Variants in ABCB10 observed in about 807,000 individuals in gnomAD.
The protein encoded by ABCB10 is ATP-binding cassette sub-family B member 10, mitochondrial.
Under a neutral mutation model 65.4 loss-of-function variants are expected in ABCB10, and 54 were observed. The observed-to-expected ratio is 0.83, with a 90% CI of 0.66 to 1.04. The LOEUF is 1.04. Ranked by LOEUF, ABCB10 falls within the 50% of genes least tolerant of loss-of-function variation. ABCB10 has a pLI of 0.00. For missense variants in ABCB10, 846 were observed against 976.6 expected, an observed-to-expected ratio of 0.87 and a Z score of 1.78; for synonymous variants, 418 against 406.5, an observed-to-expected ratio of 1.03 and a Z score of -0.34.
intron 1 of ABCB10, among the ~76,000 whole-genome samples, chr1:229,557,766 G>T (rs1663293363): frequency 6.6e-6 from 1 of 151,684 alleles, no homozygotes; most frequent in Non-Finnish European, 1.5e-5. Context: ...TAACAAAATA[G>T]GCATATTTTT....
At position 229,532,121 on chromosome 1, in the gene ABCB10, TTTTTTA is replaced by T. The variant is rs376124032; in HGVS notation, c.1340-396_1340-391del. 5.1e-3 allele frequency among the ~76,000 whole-genome samples: 772 copies of T among 152,132 alleles called. 3 individuals carry two copies. The highest frequency in any genetic ancestry group is 5.7e-3 in the Non-Finnish European group (386 of 67,992). On this transcript the variant is annotated intron_variant, in intron 6 of 12. Coordinates refer to ENST00000344517, the MANE Select transcript of ABCB10 (RefSeq NM_012089.3). ...GCGCAAGCCACCAGGCCTGGCTAAT[TTTTTTA>T]TTTTTAGTAGAGATGGGGTTTCGCA... is the stretch of plus-strand genomic sequence containing the variant.
intron 11 of ABCB10, among the ~76,000 whole-genome samples, chr1:229,520,680 C>G (rs141106179): frequency 2.6e-5 from 4 of 152,196 alleles, no homozygotes; most frequent in African/African-American, 9.6e-5. Context: ...GTGAACAGAT[C>G]AACAAATAGG....
chr1:229,535,038 T>TAAAAAAAAAAAA (rs71173739), intron 6 of ABCB10: 6 of 47,498 alleles, frequency 1.3e-4, no homozygotes, highest in African/African-American at 1.5e-4. Context: ...AGACTCCCTT[T>TAAAAAAAAAAAA]AAAAAAAAAA....
rs141003292 is a variant in ABCB10, at chr1:229,518,224, C to G, written c.2172G>C (p.Gly724=). ...GTTTGTTCATTAGTTTTCTGTATAT[C>G]CCATTTGGTTTTGAAAGCAGCTCTT... ...KHEELLSKPN[G]IYRKLMNKQS... Residue 724 remains glycine (G), a synonymous_variant, in exon 13 of 13, where the codon GGG becomes GGC. Coordinates refer to ENST00000344517, the MANE Select transcript of ABCB10 (RefSeq NM_012089.3). 6.2e-7 allele frequency: 1 copy of G among 1,614,024 alleles called. No homozygotes were observed. The highest frequency in any genetic ancestry group is 2.2e-5 in the East Asian group (1 of 44,892).
At chr1:229,547,789 C>A in intron 2 of ABCB10, 88 bp from the exon 3 acceptor site, 1 of 1,344,784 alleles carries the variant, frequency 7.4e-7, no homozygotes. Context: ...GCAGCTTGGC[C>A]TGGAGTTGTA....
intron 6 of ABCB10, among the ~76,000 whole-genome samples, chr1:229,539,132 GC>G (rs1370779651): frequency 6.6e-6 from 1 of 152,092 alleles, no homozygotes; most frequent in Non-Finnish European, 1.5e-5. Context: ...CTTGCTCAGC[GC>G]CGCCCTCCTC....
At chr1:229,545,926 C>T (rs1662953923) in intron 3 of ABCB10, among the ~76,000 whole-genome samples, 1 of 152,200 alleles carries the variant, frequency 6.6e-6, no homozygotes, top group South Asian at 2.1e-4. Flanking sequence ...AATCCCAACA[C>T]TTTGGGAGGC....
chr1:229,527,178 A>G (rs764526846), intron 9 of ABCB10, 51 bp downstream of exon 9: 2 of 1,535,376 alleles, frequency 1.3e-6, no homozygotes, highest in Non-Finnish European at 1.8e-6. Flanking sequence ...AGCAAAAGAC[A>G]AAAGTAATTT....
At chr1:229,531,535 T>C in intron 7 of ABCB10, 101 bp downstream of exon 7, 1 of 1,198,604 alleles carries the variant, frequency 8.3e-7, no homozygotes, top group Non-Finnish European at 1.2e-6. Flanking sequence ...ACATCCTTAC[T>C]GTGGCTCATC....
At chr1:229,518,750 A>G in intron 12 of ABCB10, 91 bp downstream of exon 12, 1 of 1,116,366 alleles carries the variant, frequency 9.0e-7, no homozygotes, top group Non-Finnish European at 1.3e-6. Flanking sequence ...TTTCAGTTGT[A>G]TCACTTTGAG....
Position 229,517,664 on chromosome 1 carries a change from TTAAA to T in ABCB10, c.*511_*514del, listed in dbSNP as rs1424560083. The T allele has an allele frequency of 6.5e-6, 1 of 153,780 alleles. No homozygotes were observed. The highest frequency in any genetic ancestry group is 2.4e-5 in the African/African-American group (1 of 41,478). The allele number at this position is 153,780 out of a possible 1,614,324, so 9.5% of individuals were successfully genotyped here. A position where few individuals can be genotyped will look rare whatever the true frequency, so the allele number is the denominator to read the frequency against. ...AATGTTCCCTTCTTTCCAGCTGATGTTAAATAGTTAGGTTTGCTTCATGAGATTA... is the reference window on the plus strand; with the variant it reads ...AATGTTCCCTTCTTTCCAGCTGATGTTAGTTAGGTTTGCTTCATGAGATTA... On this transcript the variant is annotated 3_prime_UTR_variant, in exon 13 of 13. Coordinates refer to ENST00000344517, the MANE Select transcript of ABCB10 (RefSeq NM_012089.3).
At chr1:229,544,648 T>C (rs976681616) in intron 3 of ABCB10, among the ~76,000 whole-genome samples, 4 of 152,190 alleles carry the variant, frequency 2.6e-5, no homozygotes, top group African/African-American at 9.6e-5. Context: ...GAGGCCCTTT[T>C]ACAGACTGAA....
At position 229,547,580 on chromosome 1, in the gene ABCB10, T is replaced by C; in HGVS notation, c.840A>G (p.Ala280=). The C allele has an allele frequency of 1.2e-6, 2 of 1,613,984 alleles. No homozygotes were observed. Among genetic ancestry groups the C allele is most frequent in the Non-Finnish European group, 1.7e-6 (2 of 1,179,950 alleles). ...ELINRLSSDT[A]LLGRSVTENL... Reference sequence around the variant, plus strand: ...TTTCAGTCACTGAGCGCCCCAGGAGTGCAGTGTCTGATGAGAGGCGGTTAA... The same window carrying C: ...TTTCAGTCACTGAGCGCCCCAGGAGCGCAGTGTCTGATGAGAGGCGGTTAA... Residue 280 remains alanine, a synonymous_variant, in exon 3 of 13, where the codon GCA becomes GCG. Coordinates refer to ENST00000344517, the MANE Select transcript of ABCB10 (RefSeq NM_012089.3).
intron 6 of ABCB10, among the ~76,000 whole-genome samples, chr1:229,538,614 C>T (rs1662773719): frequency 6.6e-6 from 1 of 152,146 alleles, no homozygotes; most frequent in South Asian, 2.1e-4. Flanking sequence ...GACCAGCCAG[C>T]AGAACTAAAA....
At chr1:229,553,430 T>C (rs1156502994) in intron 1 of ABCB10, among the ~76,000 whole-genome samples, 3 of 152,120 alleles carry the variant, frequency 2.0e-5, no homozygotes, top group Admixed American at 2.0e-4. Context: ...TTTTAAATGA[T>C]CCACTCTGGC....
intron 1 of ABCB10, among the ~76,000 whole-genome samples, chr1:229,557,842 C>A (rs1663295737): frequency 1.3e-5 from 2 of 152,198 alleles, no homozygotes; most frequent in Admixed American, 6.5e-5. Context: ...AAAACAGATG[C>A]TCCCACTAAG....
intron 8 of ABCB10, among the ~76,000 whole-genome samples, chr1:229,527,639 T>C (rs1662477777): frequency 6.6e-6 from 1 of 152,254 alleles, no homozygotes; most frequent in East Asian, 1.9e-4. Context: ...AAGATGCACT[T>C]GTGCAAAGCT....
intron 3 of ABCB10, among the ~76,000 whole-genome samples, chr1:229,545,392 G>C (rs1217214948): frequency 6.6e-6 from 1 of 152,164 alleles, no homozygotes; most frequent in Non-Finnish European, 1.5e-5. Context: ...CAGAATCCAA[G>C]CTTTTCCACT....
intron 8 of ABCB10, among the ~76,000 whole-genome samples, chr1:229,529,803 C>G (rs186481574): frequency 1.1e-3 from 173 of 152,238 alleles, no homozygotes; most frequent in African/African-American, 4.0e-3. Flanking sequence ...GCGCCCAGCA[C>G]GCGCACTGGC....
Sources: gnomAD v4.1 joint callset for allele counts (sites outside exome capture counted in the v4.1 genomes callset) on GRCh38, gnomAD v4.1.1 for gene constraint, MANE v1.5 for transcripts, NCBI Gene and HGNC (gene_info 2026-07-23, HGNC 2026-07-21) for gene names.